PSMA1: variants seen among roughly 807,000 people sequenced by gnomAD.
PSMA1 encodes the protein proteasome 20S subunit alpha 1.
Under a neutral mutation model 38.4 loss-of-function variants are expected in PSMA1, and 3 were observed. The ratio of observed to expected loss-of-function variants is 0.08; its 90% CI spans 0.04 to 0.20. PSMA1 has a LOEUF of 0.20. Among genes scored for constraint, PSMA1 ranks in the 10% least tolerant of loss-of-function variants. The pLI, the probability that PSMA1 is intolerant of heterozygous loss-of-function variation, is 1.00. For synonymous variants in PSMA1, 101 were observed against 107.1 expected, an observed-to-expected ratio of 0.94 and a Z score of 0.35; for missense variants, 227 against 325.3, an observed-to-expected ratio of 0.70 and a Z score of 2.32.
At chr11:14,557,641 G>A (rs1357261556) in intron 2 of PSMA1, among the ~76,000 whole-genome samples, 1 of 152,118 alleles carries the variant, frequency 6.6e-6, no homozygotes, top group Admixed American at 6.5e-5. Flanking sequence ...TCCTAGAGGG[G>A]TGAGGGAATT....
rs530131936 is a variant in PSMA1 at position 14,514,404 on chromosome 11, G to A, written c.342C>T (p.Ser114=). The change falls in exon 5 of 10, where the codon AGC becomes AGT. Residue 114 remains serine, a splice_region_variant and synonymous_variant. Transcript: ENST00000396394. ...PVSRLVSLIG[S]KTQIPTQRYG... ...TAAATGCTAACATAAAAAGGATACT[G>A]CTTCCAATTAGAGATACAAGACGAG... 9 of 1,602,978 alleles carry A rather than the reference G, an allele frequency of 5.6e-6. No homozygotes were observed. The Admixed American group carries it at 1.2e-4, about 21-fold the overall frequency.
chr11:14,636,064 A>C (rs911518136), intron 1 of PSMA1, among the ~76,000 whole-genome samples: 2 of 152,174 alleles, frequency 1.3e-5, no homozygotes, highest in African/African-American at 4.8e-5. Flanking sequence ...AAACTACTCA[A>C]ATTTTCTTTT....
At chr11:14,609,764 G>C (rs1324827668) in intron 2 of PSMA1, among the ~76,000 whole-genome samples, 1 of 152,094 alleles carries the variant, frequency 6.6e-6, no homozygotes, top group Non-Finnish European at 1.5e-5. Context: ...TGAGATCAGG[G>C]GGATACAGAG....
intron 1 of PSMA1, among the ~76,000 whole-genome samples, chr11:14,620,180 G>T (rs1169213240): frequency 6.6e-6 from 1 of 152,124 alleles, no homozygotes; most frequent in Non-Finnish European, 1.5e-5. Context: ...AACAGAAGAA[G>T]AACAAACAGG....
intron 2 of PSMA1, among the ~76,000 whole-genome samples, chr11:14,598,314 T>C (rs939706568): frequency 6.6e-6 from 1 of 152,142 alleles, no homozygotes; most frequent in African/African-American, 2.4e-5. Flanking sequence ...GTTAACTTTC[T>C]GTTTTGTTGA....
At chr11:14,572,808 C>T (rs182296421) in intron 2 of PSMA1, among the ~76,000 whole-genome samples, 1 of 152,132 alleles carries the variant, frequency 6.6e-6, no homozygotes, top group Non-Finnish European at 1.5e-5. Flanking sequence ...ATCAAACAGA[C>T]ACAATAAAAA....
rs1851478585 is a variant in PSMA1, at chr11:14,518,856, T to C, written c.48+141A>G. The C allele has an allele frequency of 4.4e-6, 3 of 682,826 alleles. No homozygotes were observed. In the South Asian group the frequency reaches 6.3e-5, roughly 14 times the overall value. 42.3% of individuals were successfully genotyped at this position (682,826 alleles called of 1,614,324 possible). Reference sequence around the variant, plus strand: ...TCCTCTAGGTCCATCAGGAAACCTATTTTAATTATAAATGCAACTTCCAAG... The same window carrying C: ...TCCTCTAGGTCCATCAGGAAACCTACTTTAATTATAAATGCAACTTCCAAG... On this transcript the variant is annotated intron_variant, in intron 2 of 9. Coordinates refer to ENST00000396394, the MANE Select transcript of PSMA1 (RefSeq NM_002786.4).
intron 5 of PSMA1, chr11:14,514,111 C>A: frequency 7.6e-7 from 1 of 1,320,466 alleles, no homozygotes; most frequent in South Asian, 2.4e-5. Flanking sequence ...CCATCTAAAA[C>A]CTGATTTGTT....
At chr11:14,507,174 G>GT (rs762363593) in intron 9 of PSMA1, among the ~76,000 whole-genome samples, 209 of 143,738 alleles carry the variant, frequency 1.5e-3, no homozygotes, top group East Asian at 1.8e-3. Flanking sequence ...TTTTGTGTTT[G>GT]TTTTTTTTTT....
Position 14,525,441 on chromosome 11 carries a change from C to T in PSMA1, c.22-6400G>A, listed in dbSNP as rs1002066652. On this transcript the variant is annotated intron_variant, in intron 2 of 10. Coordinates refer to the PSMA1 transcript ENST00000418988. ...ATCTAATCACCCTTACCCCGCTCAA[C>T]GCCAATATCCCATCCCACAGCACGC... Among the ~76,000 whole-genome samples, 16 of 152,120 alleles carry T rather than the reference C, an allele frequency of 1.1e-4. 1 individual carries two copies. Among genetic ancestry groups the T allele is most frequent in the Non-Finnish European group, 1.2e-4 (8 of 68,022 alleles).
chr11:14,594,875 C>T (rs1048301794), intron 2 of PSMA1, among the ~76,000 whole-genome samples: 2 of 152,120 alleles, frequency 1.3e-5, no homozygotes, highest in African/African-American at 4.8e-5. Flanking sequence ...TCATCATTTA[C>T]ATTAGGTAAT....
chr11:14,601,296 A>G (rs899030685), intron 2 of PSMA1, among the ~76,000 whole-genome samples: 1 of 152,200 alleles, frequency 6.6e-6, no homozygotes, highest in African/African-American at 2.4e-5. Context: ...GTAATACTGG[A>G]GTAAAAATCC....
At chr11:14,629,685 T>A (rs941535507) in intron 1 of PSMA1, among the ~76,000 whole-genome samples, 1 of 152,194 alleles carries the variant, frequency 6.6e-6, no homozygotes, top group Non-Finnish European at 1.5e-5. Flanking sequence ...TTTAAAGTAG[T>A]TTTTTCCAAT....
At position 14,642,091 on chromosome 11, in the gene PSMA1, CCACACACATACACGCACATGCA is replaced by C. The variant is rs369632119; in HGVS notation, c.-166+1342_-166+1363del. On this transcript the variant is annotated intron_variant, in intron 1 of 10. Transcript: ENST00000418988. ...TAGATGATAACTTCAGATTAAATGC[CCACACACATACACGCACATGCA>C]CACACACACACCTGTTAATCTGAAT... Among the ~76,000 whole-genome samples, 485 of 152,200 alleles carry C rather than the reference CCACACACATACACGCACATGCA, an allele frequency of 3.2e-3. 6 individuals are homozygous for C. Among genetic ancestry groups the C allele is most frequent in the African/African-American group, 0.011 (461 of 41,526 alleles).
chr11:14,630,521 G>T (rs1852988886), intron 1 of PSMA1, among the ~76,000 whole-genome samples: 2 of 152,136 alleles, frequency 1.3e-5, no homozygotes, highest in Middle Eastern at 3.4e-3. Flanking sequence ...AAGCCCACTT[G>T]GTCATGGTGG....
At chr11:14,617,960 T>C (rs1485193334) in intron 1 of PSMA1, among the ~76,000 whole-genome samples, 1 of 152,160 alleles carries the variant, frequency 6.6e-6, no homozygotes, top group Non-Finnish European at 1.5e-5. Context: ...GCTGATGACT[T>C]TGGCCAGATT....
intron 1 of PSMA1, among the ~76,000 whole-genome samples, chr11:14,636,187 C>T (rs949282395): frequency 1.3e-5 from 2 of 152,120 alleles, no homozygotes; most frequent in African/African-American, 4.8e-5. Flanking sequence ...TAATTCATTC[C>T]TCAATCCACT....
At position 14,595,482 on chromosome 11, in the gene PSMA1, T is replaced by C. The variant is rs1041776274; in HGVS notation, c.21+15484A>G. ...AGATGGTATCTCATTGTGGTTTTGA[T>C]TTGCATTTCTCTGATGACCAGTGAT... On this transcript the variant is annotated intron_variant, in intron 2 of 10. Transcript: ENST00000418988. 5.2e-5 allele frequency among the ~76,000 whole-genome samples: 8 copies of C among 152,388 alleles called. No individual in the cohort carries two copies. The East Asian group carries it at 1.2e-3, about 22-fold the overall frequency.
At chr11:14,533,585 C>CT (rs34379633) in intron 2 of PSMA1, among the ~76,000 whole-genome samples, 86 of 147,502 alleles carry the variant, frequency 5.8e-4, no homozygotes, top group Non-Finnish European at 7.9e-4. Context: ...CTTTTCTTTT[C>CT]TTTTTTTTTT....
Sources: gnomAD v4.1 joint callset for allele counts (sites outside exome capture counted in the v4.1 genomes callset) on GRCh38, gnomAD v4.1.1 for gene constraint, MANE v1.5 for transcripts, NCBI Gene and HGNC (gene_info 2026-07-23, HGNC 2026-07-21) for gene names.